MTARC2: variants seen among roughly 807,000 people sequenced by gnomAD.
MTARC2 encodes the protein mitochondrial amidoxime reducing component 2.
In MTARC2, 27 loss-of-function variants were observed where a neutral mutation model predicts 35.6. The observed-to-expected ratio is 0.76, with a 90% confidence interval of 0.56 to 1.04. The LOEUF (loss-of-function observed/expected upper bound fraction) is 1.04, where lower values mean the gene tolerates loss of function less well. Ranked by LOEUF, MTARC2 falls within the 50% of genes least tolerant of loss-of-function variation. MTARC2 has a pLI of 0.00. For missense variants in MTARC2, 412 were observed against 432.5 expected, an observed-to-expected ratio of 0.95 and a Z score of 0.42; for synonymous variants, 158 against 167.1, an observed-to-expected ratio of 0.95 and a Z score of 0.42.
chr1:220,774,071 G>GT (rs34602928), intron 4 of MTARC2, among the ~76,000 whole-genome samples: 20,791 of 141,786 alleles, frequency 0.15, 1,837 homozygotes, highest in East Asian at 0.31. Flanking sequence ...TCACATCCTC[G>GT]TTTTTTTTTT....
chr1:220,766,860 C>CAAAAAAAAAAAAAAA (rs59711900), intron 4 of MTARC2, among the ~76,000 whole-genome samples: 1 of 91,938 alleles, frequency 1.1e-5, no homozygotes, highest in Non-Finnish European at 2.7e-5. Flanking sequence ...AATAAAAGTA[C>CAAAAAAAAAAAAAAA]AAAAAAAAAA....
rs1279896618 is a variant in MTARC2 at position 220,774,943 on chromosome 1, C to CTGTGAGAGTG, written c.751-5075_751-5074insTGTGAGAGTG. Among the ~76,000 whole-genome samples the CTGTGAGAGTG allele has an allele frequency of 5.9e-4, 88 of 149,998 alleles. No individual in the cohort carries two copies. In the South Asian group the frequency reaches 1.0e-2, roughly 17 times the overall value. On this transcript the variant is annotated intron_variant, in intron 4 of 7. Coordinates refer to ENST00000366913, the MANE Select transcript of MTARC2 (RefSeq NM_017898.5). Reference sequence around the variant, plus strand: ...CATGCAATTGTGTGTCTATATAGACCCGTGTGTGTGCGTGTGTGTGTGTGT... The same window carrying CTGTGAGAGTG: ...CATGCAATTGTGTGTCTATATAGACCTGTGAGAGTGCGTGTGTGTGCGTGTGTGTGTGTGT...
intron 2 of MTARC2, among the ~76,000 whole-genome samples, chr1:220,756,059 A>G (rs453079): frequency 0.045 from 6,925 of 152,260 alleles, 418 homozygotes; most frequent in African/African-American, 0.14. Flanking sequence ...TGAGATGAAG[A>G]CATATTCCTT....
At chr1:220,767,768 C>T (rs545863809) in intron 4 of MTARC2, among the ~76,000 whole-genome samples, 5 of 152,346 alleles carry the variant, frequency 3.3e-5, no homozygotes, top group Admixed American at 6.5e-5. Context: ...GGAAGTGTTT[C>T]TCCAGGAAAC....
chr1:220,777,410 G>T (rs1671947254), intron 4 of MTARC2, among the ~76,000 whole-genome samples: 1 of 152,166 alleles, frequency 6.6e-6, no homozygotes, highest in African/African-American at 2.4e-5. Flanking sequence ...GGTCATCAGC[G>T]GCAGAGGGAG....
At chr1:220,750,859 T>C (rs899741409) in intron 1 of MTARC2, among the ~76,000 whole-genome samples, 1 of 152,168 alleles carries the variant, frequency 6.6e-6, no homozygotes, top group Admixed American at 6.5e-5. Flanking sequence ...ACTTATGCTG[T>C]TTGTATGAAA....
intron 4 of MTARC2, chr1:220,770,698 T>C (rs1201422545): frequency 1.9e-5 from 8 of 427,270 alleles, no homozygotes; most frequent in East Asian, 1.6e-4. Flanking sequence ...GGGAATTCAA[T>C]TGGTAGCTGC....
At position 220,755,090 on chromosome 1, in the gene MTARC2, A is replaced by C; in HGVS notation, c.416A>C (p.Gln139Pro). The C allele has an allele frequency of 6.2e-7, 1 of 1,611,010 alleles. No individual in the cohort carries two copies. Among genetic ancestry groups the C allele is most frequent in the Non-Finnish European group, 8.5e-7 (1 of 1,178,740 alleles). Residue 139 changes from glutamine to proline, a missense_variant, in exon 2 of 8, where the codon CAG becomes CCG. By Grantham distance (76) the Gln-to-Pro change is moderately conservative (BLOSUM62 -1). Coordinates refer to ENST00000366913, the MANE Select transcript of MTARC2 (RefSeq NM_017898.5). ...DMDQLVLPSKQPSSNKLHNCR... is the reference protein window; with the variant it reads ...DMDQLVLPSKPPSSNKLHNCR... ...GACCAGCTGGTTTTGCCTAGCAAGC[A>C]GCCTTCCTCAAACAAACTCCACAAC...
At chr1:220,773,416 G>A (rs12048740) in intron 4 of MTARC2, among the ~76,000 whole-genome samples, 14 of 152,134 alleles carry the variant, frequency 9.2e-5, no homozygotes, top group Admixed American at 2.0e-4. Context: ...CCTGACTTGC[G>A]TCCTTTATAA....
chr1:220,762,132 A>T (rs1019419909), intron 3 of MTARC2, among the ~76,000 whole-genome samples: 1 of 152,186 alleles, frequency 6.6e-6, no homozygotes, highest in African/African-American at 2.4e-5. Context: ...TGGAGAAACA[A>T]AAGTGAGAAG....
chr1:220,763,281 A>C (rs1014179515), intron 4 of MTARC2, among the ~76,000 whole-genome samples: 1 of 152,212 alleles, frequency 6.6e-6, no homozygotes, highest in African/African-American at 2.4e-5. Context: ...CAAAGCAAAC[A>C]GTCAAAACTC....
At chr1:220,757,307 G>A (rs1671306564) in intron 2 of MTARC2, among the ~76,000 whole-genome samples, 1 of 152,252 alleles carries the variant, frequency 6.6e-6, no homozygotes. Context: ...ATGATTGAGA[G>A]CTGTGCATTT....
At chr1:220,749,636 G>C (rs1326191846) in intron 1 of MTARC2, among the ~76,000 whole-genome samples, 1 of 151,990 alleles carries the variant, frequency 6.6e-6, no homozygotes, top group Non-Finnish European at 1.5e-5. Context: ...TCACTCTGTT[G>C]ACCAGGCTGG....
intron 4 of MTARC2, among the ~76,000 whole-genome samples, chr1:220,763,806 ATTACT>A (rs1465435433): frequency 3.3e-5 from 5 of 152,176 alleles, no homozygotes; most frequent in African/African-American, 1.2e-4. Flanking sequence ...TTTCAGATAA[ATTACT>A]TTATTTGATC....
At chr1:220,750,525 G>T (rs1344954571) in intron 1 of MTARC2, among the ~76,000 whole-genome samples, 2 of 152,106 alleles carry the variant, frequency 1.3e-5, no homozygotes, top group African/African-American at 2.4e-5. Flanking sequence ...GCTCCCACTG[G>T]CATCCTAAAA....
At chr1:220,777,788 A>G (rs951792158) in intron 4 of MTARC2, among the ~76,000 whole-genome samples, 4 of 152,136 alleles carry the variant, frequency 2.6e-5, no homozygotes, top group African/African-American at 7.2e-5. Flanking sequence ...ATAGCTCTAC[A>G]TACATCCCCT....
intron 2 of MTARC2, chr1:220,756,256 G>C (rs1572294312): frequency 6.6e-6 from 1 of 152,180 alleles, no homozygotes; most frequent in Non-Finnish European, 1.5e-5. Flanking sequence ...AGCTTGTTAA[G>C]TGTGTGGAAG....
At chr1:220,755,254 G>A in intron 2 of MTARC2, 134 bp downstream of exon 2, 1 of 968,424 alleles carries the variant, frequency 1.0e-6, no homozygotes, top group Non-Finnish European at 1.5e-6. Flanking sequence ...GAGAAGTGCA[G>A]TTTGAGTTGG....
intron 4 of MTARC2, among the ~76,000 whole-genome samples, chr1:220,772,047 C>T (rs7542648): frequency 0.32 from 48,446 of 152,096 alleles, 8,891 homozygotes; most frequent in East Asian, 0.68. Flanking sequence ...TTTAATGGCA[C>T]ATGGCAACCA....
Sources: allele counts gnomAD v4.1 joint callset (sites outside exome capture counted in the v4.1 genomes callset), GRCh38; gene constraint gnomAD v4.1.1; transcripts MANE v1.5; gene names NCBI Gene and HGNC (gene_info 2026-07-23, HGNC 2026-07-21).